Variants in NR3C1 observed in about 807,000 individuals in gnomAD.
NR3C1 encodes the protein nuclear receptor subfamily 3 group C member 1, also known as glucocorticoid receptor.
A neutral mutation model predicts 74.0 loss-of-function variants in NR3C1; 14 were observed. The ratio of observed to expected loss-of-function variants is 0.19; its 90% CI spans 0.12 to 0.30. NR3C1 has a LOEUF of 0.30. Among genes scored for constraint, NR3C1 ranks in the 10% least tolerant of loss-of-function variants. The pLI is 1.00. For synonymous variants in NR3C1, 308 were observed against 332.5 expected (o/e 0.93, Z 0.80); for missense variants, 695 against 909.8 (o/e 0.76, Z 3.04).
intron 7 of NR3C1, among the ~76,000 whole-genome samples, chr5:143,283,777 G>A (rs1474315225): frequency 1.3e-5 from 2 of 152,148 alleles, no homozygotes; most frequent in African/African-American, 2.4e-5. Context: ...TTAATCCTGT[G>A]GAGATTAGGA....
At position 143,435,235 on chromosome 5, in the gene NR3C1, T is replaced by A. The variant is rs747240221; in HGVS notation, c.-717A>T. 9.6e-4 allele frequency: 942 copies of A among 985,368 alleles called. No individual in the cohort carries two copies. The highest frequency in any genetic ancestry group is 1.1e-3 in the Non-Finnish European group (913 of 829,970). The allele number at this position is 985,368 out of a possible 1,614,324, so 61.0% of individuals were successfully genotyped here. On this transcript the variant is annotated 5_prime_UTR_variant, in exon 1 of 9. Transcript: ENST00000343796. ...TCTGTTTCTATTCCTTCCCCACTCA[T>A]GCCCCAGTGCTTCCGTTGGACACAT...
chr5:143,314,638 T>C (rs1821698711), intron 2 of NR3C1, among the ~76,000 whole-genome samples: 1 of 152,196 alleles, frequency 6.6e-6, no homozygotes, highest in East Asian at 1.9e-4. Context: ...ATAATTTTTT[T>C]CCTAATTTTA....
chr5:143,347,116 AC>A (rs1829432006), intron 2 of NR3C1, among the ~76,000 whole-genome samples: 1 of 152,220 alleles, frequency 6.6e-6, no homozygotes, highest in Non-Finnish European at 1.5e-5. Flanking sequence ...TGTATATTTG[AC>A]ATAGAAAATG....
intron 1 of NR3C1, among the ~76,000 whole-genome samples, chr5:143,413,837 AAGAG>A (rs1041268141): frequency 7.2e-5 from 11 of 152,272 alleles, no homozygotes; most frequent in African/African-American, 1.9e-4. Flanking sequence ...GTACAAATGA[AAGAG>A]AGAGAAGAGG....
chr5:143,281,837 AT>A lies in NR3C1; in HGVS notation c.*51del. 1 of 1,537,404 alleles carries A rather than the reference AT, an allele frequency of 6.5e-7. No homozygotes were observed. The highest frequency in any genetic ancestry group is 9.0e-7 in the Non-Finnish European group (1 of 1,112,276). On this transcript the variant is annotated 3_prime_UTR_variant, in exon 9 of 9. Transcript: ENST00000394464. ...ACAGGACAAACTGATAGTTTATACA[AT>A]AAAAGCTATTAATTCGACTTTCTTT...
At chr5:143,404,430 G>C (rs1840928079), upstream of NR3C1, 9 of 985,458 alleles carry the variant, frequency 9.1e-6, no homozygotes, top group Non-Finnish European at 1.1e-5. Context: ...GCATCATCTG[G>C]GCGGCCGGGT....
chr5:143,295,046 C>T (rs930295288), intron 7 of NR3C1: 43 of 985,258 alleles, frequency 4.4e-5, no homozygotes, highest in Admixed American at 4.3e-4. Context: ...TTCTAGGATG[C>T]GCCTTTTTCT....
rs1839968011 is a variant in NR3C1, at chr5:143,400,045, C to T, written c.795G>A (p.Leu265=). The T allele has an allele frequency of 6.2e-7, 1 of 1,614,078 alleles. No individual in the cohort carries two copies. The highest frequency in any genetic ancestry group is 8.5e-7 in the Non-Finnish European group (1 of 1,180,046). ...GCAGTGTTACATTACTGGGGCTTGACAAAACCAGATCTCCATTATCCTTAA... is the reference window on the plus strand; with the variant it reads ...GCAGTGTTACATTACTGGGGCTTGATAAAACCAGATCTCCATTATCCTTAA... ...PKIKDNGDLV[L]SSPSNVTLPQ... Residue 265 remains leucine (L), a synonymous_variant, in exon 2 of 9, where the codon TTG becomes TTA. Coordinates refer to ENST00000394464, the MANE Select transcript of NR3C1 (RefSeq NM_000176.3).
intron 2 of NR3C1, among the ~76,000 whole-genome samples, chr5:143,380,914 T>C (rs563185964): frequency 2.2e-4 from 33 of 152,300 alleles, no homozygotes; most frequent in Admixed American, 1.8e-3. Context: ...GTGCCCACTG[T>C]TATTCAACTG....
intron 2 of NR3C1, among the ~76,000 whole-genome samples, chr5:143,381,164 G>T (rs549051356): frequency 2.0e-5 from 3 of 151,888 alleles, no homozygotes; most frequent in Admixed American, 2.0e-4. Flanking sequence ...ATCTAAAAAA[G>T]AAATCAGAAA....
chr5:143,399,801 G>C lies in NR3C1; in HGVS notation c.1039C>G (p.Gln347Glu), dbSNP rs148470701. The change falls in exon 2 of 9, where the codon CAG becomes GAG. Residue 347 changes from glutamine to glutamate, a missense_variant. Transcript: ENST00000394464. ...NTASLSQQQD[Q>E]KPIFNVIPPI... is the part of the protein sequence containing the mutation. ...GGAATGACATTAAAAATAGGCTTCT[G>C]ATCCTGCTGTTGAGAAAGGGATGCT... The C allele has an allele frequency of 2.8e-5, 46 of 1,614,130 alleles. No individual in the cohort carries two copies. Among genetic ancestry groups the C allele is most frequent in the Non-Finnish European group, 3.9e-5 (46 of 1,180,014 alleles).
chr5:143,316,750 C>T lies in NR3C1; in HGVS notation c.1185-2582G>A, dbSNP rs139582258. Among the ~76,000 whole-genome samples, 349 of 152,246 alleles carry T rather than the reference C, an allele frequency of 2.3e-3. 2 individuals carry two copies. Among genetic ancestry groups the T allele is most frequent in the Non-Finnish European group, 3.9e-3 (266 of 68,016 alleles). The stretch of plus-strand genomic sequence containing the variant: ...ACACATAGAAAATCTACTACAAGTT[C>T]CTGCTTCTAGCAGGCACTCAATACA... On this transcript the variant is annotated intron_variant, in intron 2 of 8. Transcript: ENST00000394464.
intron 1 of NR3C1, among the ~76,000 whole-genome samples, chr5:143,411,720 G>T (rs1169661423): frequency 6.6e-6 from 1 of 152,144 alleles, no homozygotes; most frequent in African/African-American, 2.4e-5. Context: ...ATACATATAT[G>T]TAAAAATTAT....
At chr5:143,367,163 A>G (rs981692297) in intron 2 of NR3C1, among the ~76,000 whole-genome samples, 1 of 152,188 alleles carries the variant, frequency 6.6e-6, no homozygotes, top group African/African-American at 2.4e-5. Flanking sequence ...ACACACAAAA[A>G]TCTCAATAGC....
Position 143,399,943 on chromosome 5 carries a change from T to C in NR3C1, c.897A>G (p.Thr299=), listed in dbSNP as rs13306588. 7.8e-4 allele frequency: 1,257 copies of C among 1,614,190 alleles called. 17 individuals carry two copies. In the East Asian group the frequency reaches 0.019, roughly 25 times the overall value. The change falls in exon 2 of 9, where the codon ACA becomes ACG. Residue 299 remains threonine (T), a synonymous_variant. Transcript: ENST00000394464. ...CAGGAAAGCTTGCCTGACAGTAAACTGTGCCCAGTTTCTCTTGCTTAATTA... is the reference window on the plus strand; with the variant it reads ...CAGGAAAGCTTGCCTGACAGTAAACCGTGCCCAGTTTCTCTTGCTTAATTA... ...PGVIKQEKLG[T]VYCQASFPGA...
chr5:143,337,635 A>G (rs897825322), intron 2 of NR3C1, among the ~76,000 whole-genome samples: 1 of 152,222 alleles, frequency 6.6e-6, no homozygotes, highest in Admixed American at 6.5e-5. Context: ...CTCTGAGGAT[A>G]TAATTCTATA....
At chr5:143,292,568 G>C (rs1260515295) in intron 7 of NR3C1, among the ~76,000 whole-genome samples, 2 of 152,122 alleles carry the variant, frequency 1.3e-5, no homozygotes, top group African/African-American at 4.8e-5. Flanking sequence ...AAAAAGGAGG[G>C]AATTTTTCTT....
chr5:143,294,658 A>G (rs1816747496), intron 7 of NR3C1, among the ~76,000 whole-genome samples: 1 of 151,472 alleles, frequency 6.6e-6, no homozygotes, highest in Admixed American at 6.6e-5. Context: ...TTCCTTCTAA[A>G]CCCTGGCAAC....
At chr5:143,381,399 T>C (rs1836216159) in intron 2 of NR3C1, among the ~76,000 whole-genome samples, 1 of 151,880 alleles carries the variant, frequency 6.6e-6, no homozygotes, top group Non-Finnish European at 1.5e-5. Flanking sequence ...CAATCTTTAT[T>C]AATAAATATC....
Sources: allele counts gnomAD v4.1 joint callset (sites outside exome capture counted in the v4.1 genomes callset), GRCh38; gene constraint gnomAD v4.1.1; transcripts MANE v1.5; gene names NCBI Gene and HGNC (gene_info 2026-07-23, HGNC 2026-07-21).